The following CDON variants were observed in gnomAD, a reference collection of about 807,000 sequenced individuals.
CDON encodes cell adhesion associated, oncogene regulated.
CDON carries 73 observed loss-of-function variants against 120.9 expected under a neutral mutation model. The observed-to-expected ratio is 0.60, with a 90% confidence interval of 0.50 to 0.73. CDON has a LOEUF of 0.73. Ranked by LOEUF, CDON falls within the 30% of genes least tolerant of loss-of-function variation. The pLI is 0.00. For synonymous variants in CDON, 566 were observed against 573.5 expected, an observed-to-expected ratio of 0.99 and a Z score of 0.19; for missense variants, 1,470 against 1,587.3, an observed-to-expected ratio of 0.93 and a Z score of 1.26.
At chr11:126,016,110 C>T (rs1285524796) in intron 6 of CDON, among the ~76,000 whole-genome samples, 2 of 152,206 alleles carry the variant, frequency 1.3e-5, no homozygotes, top group African/African-American at 4.8e-5. Context: ...TTGTCATACA[C>T]TTATGTTAAT....
At chr11:126,022,874 C>G (rs1439557132) in intron 2 of CDON, among the ~76,000 whole-genome samples, 2 of 152,160 alleles carry the variant, frequency 1.3e-5, no homozygotes, top group Non-Finnish European at 2.9e-5. Context: ...TGAACCATGT[C>G]TTAGGCATGG....
chr11:126,004,490 TTA>T (rs1373651795), intron 9 of CDON: 2 of 209,356 alleles, frequency 9.6e-6, no homozygotes, highest in Non-Finnish European at 1.9e-5. Context: ...CAATATTATA[TTA>T]TGTTATATGT....
Position 126,030,305 on chromosome 11 carries a change from GAA to G in CDON, c.-61-6770_-61-6769del, listed in dbSNP as rs764888797. On this transcript the variant is annotated intron_variant, in intron 1 of 19. Transcript: ENST00000531738. Reference sequence around the variant, plus strand: ...ACATGCTGCCAGAATAATCCTTTGGGAAAAGTCTTTCCTGAATTTCTAGATTT... The same window carrying G: ...ACATGCTGCCAGAATAATCCTTTGGGAAGTCTTTCCTGAATTTCTAGATTT... 1.3e-4 allele frequency among the ~76,000 whole-genome samples: 20 copies of G among 152,248 alleles called. 1 individual carries two copies. Among genetic ancestry groups the G allele is most frequent in the Admixed American group, 8.5e-4 (13 of 15,290 alleles).
chr11:125,980,686 C>G (rs1246488376), intron 17 of CDON, among the ~76,000 whole-genome samples: 1 of 152,216 alleles, frequency 6.6e-6, no homozygotes, highest in Non-Finnish European at 1.5e-5. Context: ...ATTTCCTGAT[C>G]TGCCTGACTC....
chr11:126,002,678 G>A (rs972367566), intron 10 of CDON, among the ~76,000 whole-genome samples: 2 of 152,078 alleles, frequency 1.3e-5, no homozygotes, highest in African/African-American at 2.4e-5. Context: ...TGTGGTACTT[G>A]GCATATTCTG....
intron 1 of CDON, among the ~76,000 whole-genome samples, chr11:126,040,814 CAAAAAAAAAA>C (rs71048763): frequency 1.1e-4 from 5 of 44,994 alleles, no homozygotes; most frequent in African/African-American, 2.5e-4. Flanking sequence ...GACTCCGTCT[CAAAAAAAAAA>C]AAAAAAAAAA....
At chr11:126,048,292 A>G (rs980067624) in intron 1 of CDON, among the ~76,000 whole-genome samples, 1 of 151,968 alleles carries the variant, frequency 6.6e-6, no homozygotes, top group East Asian at 1.9e-4. Flanking sequence ...CAAAAAAAAA[A>G]AAAAGAAAAG....
chr11:126,018,740 T>A (rs1490170930), intron 4 of CDON, among the ~76,000 whole-genome samples: 4 of 152,090 alleles, frequency 2.6e-5, no homozygotes, highest in African/African-American at 7.3e-5. Flanking sequence ...AGTTAATTTT[T>A]AAATTTTTTG....
chr11:125,982,680 T>A (rs1009776558), intron 16 of CDON, among the ~76,000 whole-genome samples: 2 of 152,222 alleles, frequency 1.3e-5, no homozygotes, highest in African/African-American at 4.8e-5. Context: ...AACACCACCA[T>A]GAGAATTTTC....
chr11:126,057,840 C>A (rs975772238), intron 1 of CDON, among the ~76,000 whole-genome samples: 1 of 152,240 alleles, frequency 6.6e-6, no homozygotes, highest in Non-Finnish European at 1.5e-5. Context: ...CTTACATATA[C>A]AGGAGGAGTT....
intron 18 of CDON, among the ~76,000 whole-genome samples, chr11:125,966,092 A>T (rs1945790531): frequency 6.6e-6 from 1 of 151,722 alleles, no homozygotes; most frequent in Non-Finnish European, 1.5e-5. Context: ...AGCCAAGATC[A>T]TGCCATTGCA....
intron 19 of CDON, 39 bp downstream of exon 19, chr11:125,961,685 G>A: frequency 1.2e-6 from 2 of 1,613,710 alleles, no homozygotes; most frequent in Non-Finnish European, 1.7e-6. Context: ...GCTAACTGAA[G>A]ATGATCTGGA....
chr11:125,980,968 A>C, intron 17 of CDON, 81 bp downstream of exon 17: 2 of 1,447,458 alleles, frequency 1.4e-6, no homozygotes, highest in South Asian at 2.3e-5. Flanking sequence ...TATACTGAAC[A>C]AAGCCAAGCA....
intron 7 of CDON, among the ~76,000 whole-genome samples, chr11:126,013,738 A>G (rs1374815945): frequency 6.6e-6 from 1 of 151,826 alleles, no homozygotes; most frequent in East Asian, 1.9e-4. Context: ...CAAAGGGCCA[A>G]CCTCTATCTT....
chr11:126,015,077 T>C (rs533298691), intron 7 of CDON, 164 bp downstream of exon 7: 6 of 697,268 alleles, frequency 8.6e-6, no homozygotes, highest in African/African-American at 3.6e-5. Context: ...TACTTCTTCA[T>C]GGAAATGCCT....
At chr11:126,050,425 G>A (rs1309905749) in intron 1 of CDON, among the ~76,000 whole-genome samples, 6 of 150,576 alleles carry the variant, frequency 4.0e-5, no homozygotes, top group African/African-American at 1.2e-4. Flanking sequence ...ATCAATGCTC[G>A]ATCATTTAGT....
In CDON at chr11:126,016,692, C is replaced by T. The variant is rs530059052; in HGVS notation, c.928+396G>A. Among the ~76,000 whole-genome samples the T allele has an allele frequency of 8.5e-5, 13 of 152,258 alleles. No individual in the cohort carries two copies. In the South Asian group the frequency reaches 2.7e-3, roughly 32 times the overall value. On this transcript the variant is annotated intron_variant, in intron 6 of 19. Coordinates refer to ENST00000531738, the MANE Select transcript of CDON (RefSeq NM_001378964.1). ...AAGTATTCTGCCCTCCTCAGCCTCC[C>T]AAAGTGTGAGTTACCATGCCTGGCC...
chr11:126,019,486 C>T, intron 4 of CDON, 133 bp downstream of exon 4: 1 of 911,732 alleles, frequency 1.1e-6, no homozygotes, highest in South Asian at 1.5e-5. Context: ...TATATTGTAA[C>T]CATTTGTTTT....
intron 1 of CDON, among the ~76,000 whole-genome samples, chr11:126,062,325 G>T (rs1279655004): frequency 6.6e-6 from 1 of 152,068 alleles, no homozygotes. Context: ...AGGTTTCGTC[G>T]TGTCACTGAC....
Sources: gnomAD v4.1 joint callset for allele counts (sites outside exome capture counted in the v4.1 genomes callset) on GRCh38, gnomAD v4.1.1 for gene constraint, MANE v1.5 for transcripts, NCBI Gene and HGNC (gene_info 2026-07-23, HGNC 2026-07-21) for gene names.